The following SEC16A variants were observed in gnomAD, a reference collection of about 807,000 sequenced individuals.
SEC16A encodes the protein protein transport protein Sec16A.
In SEC16A, 110 loss-of-function variants were observed where a neutral mutation model predicts 221.9. The ratio of observed to expected loss-of-function variants is 0.50; its 90% CI spans 0.42 to 0.58. The LOEUF (loss-of-function observed/expected upper bound fraction) is 0.58, where lower values mean the gene tolerates loss of function less well. SEC16A is among the 20% of genes least tolerant of loss of function. The pLI, the probability that SEC16A is intolerant of heterozygous loss-of-function variation, is 0.00. For synonymous variants in SEC16A, 1,393 were observed against 1,257.7 expected (o/e 1.11, Z -2.28); for missense variants, 3,165 against 3,097.8 (o/e 1.02, Z -0.52).
In SEC16A at chr9:136,476,276, C is replaced by T. The variant is rs370132051; in HGVS notation, c.1340G>A (p.Gly447Glu). 4 of 1,613,248 alleles carry T rather than the reference C, an allele frequency of 2.5e-6. No individual in the cohort carries two copies. In the African/African-American group the frequency reaches 5.3e-5, roughly 22 times the overall value. ...CTGCGAGCCGCTGGCATCCGGCACC[C>T]CTGTGCTCGCTGTGTCACCCCACAC... ...GDVWGDTAST[G>E]VPDASGSQYE... Residue 447 changes from glycine to glutamate, a missense_variant, in exon 3 of 32, where the codon GGG becomes GAG. This residue lies in a region of SEC16A where 2,030 missense variants were observed against 1,923.1 expected (regional missense o/e 1.06). Transcript: ENST00000684901.
intron 12 of SEC16A, among the ~76,000 whole-genome samples, chr9:136,462,077 C>T (rs1839556877): frequency 6.6e-6 from 1 of 152,032 alleles, no homozygotes; most frequent in Non-Finnish European, 1.5e-5. Context: ...CACTGCACTC[C>T]AGCCTGGGCA....
chr9:136,474,248 G>A lies in SEC16A; in HGVS notation c.3368C>T (p.Ser1123Phe), dbSNP rs776150371. ...CTGGCCGGAGCCACTGGACACCAGA[G>A]ACACGCTAGAGGACTGAGGAGGCCG... is the stretch of plus-strand genomic sequence containing the variant. The part of the protein sequence containing the change: ...PPRPPQSSSV[S>F]LVSSGSGQAA... Residue 1123 changes from serine (S) to phenylalanine (F), a missense_variant, in exon 3 of 32, where the codon TCT (serine) becomes TTT (phenylalanine). Ser to Phe is a radical substitution (Grantham distance 155). Around this residue, in one of 3 missense-constraint regions of SEC16A, gnomAD observed 2,030 missense variants for 1,923.1 expected, o/e 1.06. Transcript: ENST00000684901. 1.9e-6 allele frequency: 3 copies of A among 1,608,924 alleles called. No individual in the cohort carries two copies. Among genetic ancestry groups the A allele is most frequent in the Non-Finnish European group, 2.5e-6 (3 of 1,177,984 alleles).
intron 4 of SEC16A, among the ~76,000 whole-genome samples, chr9:136,469,742 C>G (rs775203711): frequency 6.6e-6 from 1 of 152,244 alleles, no homozygotes; most frequent in South Asian, 2.1e-4. Flanking sequence ...TTCCCACGCC[C>G]CTTCAGGAGA....
upstream of SEC16A, chr9:136,483,825 C>A (rs1011250094): frequency 2.0e-6 from 2 of 984,352 alleles, no homozygotes; most frequent in Non-Finnish European, 2.4e-6. Flanking sequence ...CGGGAGCGGC[C>A]GGAGCTGCGG....
chr9:136,465,501 C>A (rs562310327), intron 8 of SEC16A, among the ~76,000 whole-genome samples: 1 of 152,154 alleles, frequency 6.6e-6, no homozygotes, highest in South Asian at 2.1e-4. Context: ...CCATTAAATT[C>A]TGTAACTTTA....
Position 136,443,842 on chromosome 9 carries a change from T to C in SEC16A, c.6986A>G (p.Asn2329Ser), listed in dbSNP as rs1252480283. Residue 2329 changes from asparagine (N) to serine (S), a missense_variant, in exon 31 of 32, where the codon AAC becomes AGC. This residue lies in a region of SEC16A where 1,088 missense variants were observed against 1,089.6 expected (regional missense o/e 1.00). Transcript: ENST00000684901. ...GPPSGAMPFY[N>S]PAQLAQACAT... ...ACTCACCTGTGCCAGCTGAGCAGGG[T>C]TGTAGAAGGGCATGGCCCCGCTGGG... The C allele has an allele frequency of 1.2e-6, 2 of 1,611,992 alleles. No individual in the cohort carries two copies. Among genetic ancestry groups the C allele is most frequent in the African/African-American group, 2.7e-5 (2 of 74,778 alleles).
In SEC16A at chr9:136,466,515, T is replaced by C; in HGVS notation, c.3930-53A>G. The C allele has an allele frequency of 1.3e-6, 2 of 1,502,794 alleles. No homozygotes were observed. Among genetic ancestry groups the C allele is most frequent in the Non-Finnish European group, 1.8e-6 (2 of 1,115,188 alleles). 93.1% of individuals were successfully genotyped at this position (1,502,794 alleles called of 1,614,324 possible). On this transcript the variant is annotated intron_variant, in intron 6 of 31. Transcript: ENST00000684901. The surrounding 1 kb of genome is among the most constrained non-coding windows in gnomAD (Gnocchi z 5.5). ...AGGAATGGGAGTGCCGGAGGCCCCGTCCCCATGTGCCACGCAGCTGCCCAG... is the reference window on the plus strand; with the variant it reads ...AGGAATGGGAGTGCCGGAGGCCCCGCCCCCATGTGCCACGCAGCTGCCCAG...
Position 136,474,269 on chromosome 9 carries a change from G to A in SEC16A, c.3347C>T (p.Pro1116Leu), listed in dbSNP as rs143795416. ...CAGAGACACGCTAGAGGACTGAGGAGGCCGAGGGGGCAGCTGCTGACCCGC... is the reference window on the plus strand; with the variant it reads ...CAGAGACACGCTAGAGGACTGAGGAAGCCGAGGGGGCAGCTGCTGACCCGC... ...VDAGQQLPPR[P>L]PQSSSVSLVS... The change falls in exon 3 of 32, where the codon CCT becomes CTT. Residue 1116 changes from proline to leucine, a missense_variant. Around this residue, in one of 3 missense-constraint regions of SEC16A, gnomAD observed 2,030 missense variants for 1,923.1 expected, o/e 1.06. Coordinates refer to ENST00000684901, the MANE Select transcript of SEC16A (RefSeq NM_014866.2). 1.2e-6 allele frequency: 2 copies of A among 1,607,316 alleles called. No homozygotes were observed. Among genetic ancestry groups the A allele is most frequent in the African/African-American group, 2.7e-5 (2 of 74,984 alleles).
chr9:136,441,847 C>T (rs1043506828), intron 31 of SEC16A, 24 bp from the exon 32 acceptor site: 3 of 1,601,604 alleles, frequency 1.9e-6, no homozygotes, highest in Non-Finnish European at 2.6e-6. Context: ...AACAGCATGA[C>T]CTCTGCATGC....
chr9:136,452,164 C>A (rs1197082831), intron 22 of SEC16A, among the ~76,000 whole-genome samples: 1 of 152,076 alleles, frequency 6.6e-6, no homozygotes, highest in Non-Finnish European at 1.5e-5. Flanking sequence ...AAAGAGACGG[C>A]CGGGCTGGGC....
intron 3 of SEC16A, among the ~76,000 whole-genome samples, chr9:136,472,750 T>C (rs1841046181): frequency 6.6e-6 from 1 of 152,204 alleles, no homozygotes; most frequent in African/African-American, 2.4e-5. Flanking sequence ...CACGCCAGAA[T>C]TCACGCTTAA....
chr9:136,475,927 A>C lies in SEC16A; in HGVS notation c.1689T>G (p.Phe563Leu). 6.2e-7 allele frequency: 1 copy of C among 1,613,534 alleles called. No individual in the cohort carries two copies. The highest frequency in any genetic ancestry group is 8.5e-7 in the Non-Finnish European group (1 of 1,179,798). Residue 563 changes from phenylalanine to leucine, a missense_variant, in exon 3 of 32, where the codon TTT becomes TTG. Physicochemically the swap from Phe to Leu is conservative, Grantham distance 22 (BLOSUM62 0). Coordinates refer to ENST00000684901, the MANE Select transcript of SEC16A (RefSeq NM_014866.2). This position sits in a 1 kb window ranked among gnomAD's most constrained non-coding sequence, Gnocchi z 5.0. ...KPEDEASGSF[F>L]KQIDSSPVGG... is the part of the protein sequence containing the mutation. The stretch of plus-strand genomic sequence containing the variant: ...CTACGGGAGAAGAATCGATTTGCTT[A>C]AAAAAACTACCTGAAGCTTCATCCT...
intron 5 of SEC16A, 92 bp from the exon 6 acceptor site, chr9:136,467,175 T>A (rs1340784296): frequency 5.4e-6 from 8 of 1,481,950 alleles, no homozygotes; most frequent in Non-Finnish European, 7.4e-6. Flanking sequence ...CCCAGGACTT[T>A]ATGCTCCAAG....
intron 4 of SEC16A, among the ~76,000 whole-genome samples, chr9:136,470,883 G>A (rs1026858374): frequency 1.7e-4 from 26 of 152,378 alleles, no homozygotes; most frequent in African/African-American, 6.0e-4. Context: ...CTATCTGTGA[G>A]ACAGTCTCTC....
intron 17 of SEC16A, among the ~76,000 whole-genome samples, chr9:136,458,564 C>G (rs1839036279): frequency 6.7e-6 from 1 of 150,302 alleles, no homozygotes; most frequent in Admixed American, 6.7e-5. Context: ...GAAAGCAGAG[C>G]TTGCAGTGAG....
chr9:136,459,787 T>C lies in SEC16A; in HGVS notation c.5161A>G (p.Arg1721Gly). 1.2e-6 allele frequency: 2 copies of C among 1,612,300 alleles called. No homozygotes were observed. Among genetic ancestry groups the C allele is most frequent in the African/African-American group, 2.7e-5 (2 of 75,012 alleles). Residue 1721 changes from arginine (R) to glycine (G), a missense_variant, in exon 15 of 32, where the codon AGG becomes GGG. Arg to Gly is a moderately radical substitution (Grantham distance 125). Transcript: ENST00000684901. This position sits in a 1 kb window ranked among gnomAD's most constrained non-coding sequence, Gnocchi z 6.1. Reference protein sequence around the residue: ...NLNNNMDVESRTMATMGDTLA... With the variant: ...NLNNNMDVESGTMATMGDTLA... The stretch of plus-strand genomic sequence containing the variant: ...GTGTCGCCCATGGTAGCCATCGTCC[T>C]GGACTCGACGTCCATGTTGTTGTTC...
At chr9:136,471,486 A>G (rs1484080910) in intron 4 of SEC16A, among the ~76,000 whole-genome samples, 1 of 152,198 alleles carries the variant, frequency 6.6e-6, no homozygotes, top group East Asian at 1.9e-4. Context: ...AGAAAAAAAA[A>G]GAAGAGGAAA....
At position 136,454,115 on chromosome 9, in the gene SEC16A, C is replaced by A. The variant is rs1310360973; in HGVS notation, c.6070G>T (p.Asp2024Tyr). 1.3e-6 allele frequency: 2 copies of A among 1,550,672 alleles called. No homozygotes were observed. The highest frequency in any genetic ancestry group is 1.4e-5 in the African/African-American group (1 of 73,082). ...RHLLQEARSP[D>Y]PGIVPQEAPV... Reference sequence around the variant, plus strand: ...AGCATCTCTGCAGCCCCACCTGGGTCTGGGCTCCTGGCTTCCTGGAGCAAG... The same window carrying A: ...AGCATCTCTGCAGCCCCACCTGGGTATGGGCTCCTGGCTTCCTGGAGCAAG... The change falls in exon 21 of 32, where the codon GAC becomes TAC. Residue 2024 changes from aspartate to tyrosine, a missense_variant. Asp to Tyr is a radical substitution (Grantham distance 160). Around this residue, in one of 3 missense-constraint regions of SEC16A, gnomAD observed 1,088 missense variants for 1,089.6 expected, o/e 1.00. Coordinates refer to ENST00000684901, the MANE Select transcript of SEC16A (RefSeq NM_014866.2).
intron 1 of SEC16A, among the ~76,000 whole-genome samples, chr9:136,480,202 A>G (rs1389968030): frequency 1.3e-5 from 2 of 152,166 alleles, no homozygotes; most frequent in African/African-American, 4.8e-5. Context: ...ACTGGGTCCT[A>G]CCAGCTGCAC....
Sources: gnomAD v4.1 joint callset for allele counts (sites outside exome capture counted in the v4.1 genomes callset) on GRCh38, gnomAD v4.1.1 for gene constraint, gnomAD v4.1.1 regional missense constraint, Gnocchi (gnomAD v3.1) non-coding constraint, MANE v1.5 for transcripts, NCBI Gene and HGNC (gene_info 2026-07-23, HGNC 2026-07-21) for gene names.